The following NEK1 variants were observed in gnomAD, a reference collection of about 807,000 sequenced individuals.
NEK1 encodes NIMA related kinase 1, also known as serine/threonine-protein kinase Nek1.
A neutral mutation model predicts 182.1 loss-of-function variants in NEK1; 137 were observed. That is an observed-to-expected ratio of 0.75 (90% CI 0.65 to 0.87). The LOEUF is 0.87. Among genes scored for constraint, NEK1 ranks in the 40% least tolerant of loss-of-function variants. NEK1 has a pLI of 0.00. For missense variants in NEK1, 1,391 were observed against 1,494.4 expected (o/e 0.93, Z 1.14); for synonymous variants, 513 against 492.2 (o/e 1.04, Z -0.56).
chr4:169,548,766 C>T (rs1760941656), intron 18 of NEK1, among the ~76,000 whole-genome samples: 1 of 152,236 alleles, frequency 6.6e-6, no homozygotes, highest in Non-Finnish European at 1.5e-5. Flanking sequence ...TTGTTTACAC[C>T]ATGAGGGTAA....
intron 26 of NEK1, 21 bp downstream of exon 26, chr4:169,477,103 T>C (rs1230200265): frequency 4.0e-6 from 6 of 1,508,938 alleles, no homozygotes; most frequent in East Asian, 2.4e-5. Flanking sequence ...AAATAGGATA[T>C]TAATATACTA....
chr4:169,532,920 A>G (rs1032204626), intron 19 of NEK1, among the ~76,000 whole-genome samples: 2 of 152,044 alleles, frequency 1.3e-5, no homozygotes, highest in East Asian at 3.8e-4. Context: ...TCCCTGTAGA[A>G]AGAAAGGAAA....
chr4:169,571,605 C>T (rs1217422600), intron 12 of NEK1, among the ~76,000 whole-genome samples: 1 of 152,148 alleles, frequency 6.6e-6, no homozygotes, highest in African/African-American at 2.4e-5. Flanking sequence ...CAGGTAAGTA[C>T]TTGGCATGTT....
chr4:169,416,813 G>C (rs1017198380), intron 31 of NEK1, among the ~76,000 whole-genome samples: 2 of 152,182 alleles, frequency 1.3e-5, no homozygotes, highest in Admixed American at 6.5e-5. Context: ...GCTGAGGCGG[G>C]AAGATTGCTT....
rs1768379923 is a variant in NEK1 at position 169,590,955 on chromosome 4, T to C, written c.313-146A>G. On this transcript the variant is annotated intron_variant, in intron 5 of 35. Transcript: ENST00000507142. ...TTTGTAGGCACTGACATTAAATAGA[T>C]ATTCAAGTCAACACAAGCTCTGCAC... The C allele has an allele frequency of 5.0e-6, 3 of 602,432 alleles. No homozygotes were observed. In the East Asian group the frequency reaches 8.4e-5, roughly 17 times the overall value. The allele number at this position is 602,432 out of a possible 1,614,324, so 37.3% of individuals were successfully genotyped here.
intron 12 of NEK1, among the ~76,000 whole-genome samples, chr4:169,566,821 A>C (rs1763761088): frequency 6.6e-6 from 1 of 152,152 alleles, no homozygotes; most frequent in Admixed American, 6.5e-5. Context: ...ATCAAGGGAA[A>C]GGCCGTGTGT....
At chr4:169,407,949 T>C (rs554395091) in intron 31 of NEK1, among the ~76,000 whole-genome samples, 40 of 152,388 alleles carry the variant, frequency 2.6e-4, no homozygotes, top group African/African-American at 9.4e-4. Context: ...AAAAGTACAC[T>C]GCTTGTTAAA....
chr4:169,525,129 TTTTTA>T (rs1346648525), intron 19 of NEK1, among the ~76,000 whole-genome samples: 6 of 152,104 alleles, frequency 3.9e-5, no homozygotes, highest in Non-Finnish European at 8.8e-5. Context: ...TTTTATTTTA[TTTTTA>T]TTTTATTTTG....
In NEK1 at chr4:169,556,061, G is replaced by T. The variant is rs1461610990; in HGVS notation, c.1301C>A (p.Pro434Gln). 4 of 1,613,254 alleles carry T rather than the reference G, an allele frequency of 2.5e-6. No individual in the cohort carries two copies. Among genetic ancestry groups the T allele is most frequent in the Non-Finnish European group, 3.4e-6 (4 of 1,179,636 alleles). Reference protein sequence around the residue: ...PFLGSGGTIAPSSFSSRGQYE... With the variant: ...PFLGSGGTIAQSSFSSRGQYE... Reference sequence around the variant, plus strand: ...CTGTCCTCGAGAAGAAAAAGATGATGGAGCTATAGTCCCTCCACTGCCCAG... The same window carrying T: ...CTGTCCTCGAGAAGAAAAAGATGATTGAGCTATAGTCCCTCCACTGCCCAG... Residue 434 changes from proline to glutamine, a missense_variant, in exon 17 of 36, where the codon CCA becomes CAA. Pro to Gln is a moderately conservative substitution (Grantham distance 76). This residue lies in a region of NEK1 where 1,216 missense variants were observed against 1,277.6 expected (regional missense o/e 0.95). Coordinates refer to ENST00000507142, the MANE Select transcript of NEK1 (RefSeq NM_001199397.3).
At chr4:169,485,262 TA>T (rs1748832122) in intron 23 of NEK1, among the ~76,000 whole-genome samples, 1 of 152,140 alleles carries the variant, frequency 6.6e-6, no homozygotes. Flanking sequence ...GGAATCTAAA[TA>T]AATGAACAAA....
At chr4:169,488,207 T>C (rs1391882608) in intron 23 of NEK1, among the ~76,000 whole-genome samples, 1 of 152,222 alleles carries the variant, frequency 6.6e-6, no homozygotes, top group African/African-American at 2.4e-5. Context: ...TTTGCTTTTG[T>C]CGCTATTGCT....
chr4:169,432,988 C>G (rs949012415), intron 29 of NEK1, among the ~76,000 whole-genome samples: 2 of 151,904 alleles, frequency 1.3e-5, no homozygotes, highest in African/African-American at 4.8e-5. Context: ...TGGTCTCGAG[C>G]TCCTGTCCTC....
intron 10 of NEK1, among the ~76,000 whole-genome samples, chr4:169,581,531 T>G (rs145209293): frequency 1.2e-3 from 177 of 152,316 alleles, no homozygotes; most frequent in African/African-American, 3.6e-3. Context: ...GTGATTCTCC[T>G]TCCTCAGTGT....
chr4:169,608,140 AAG>A (rs1560801720), intron 2 of NEK1, among the ~76,000 whole-genome samples: 7 of 132,788 alleles, frequency 5.3e-5, no homozygotes, highest in African/African-American at 1.4e-4. Flanking sequence ...CACACACACA[AAG>A]AAGAAGAAGA....
At chr4:169,470,075 T>G (rs534356260) in intron 26 of NEK1, among the ~76,000 whole-genome samples, 11 of 151,940 alleles carry the variant, frequency 7.2e-5, no homozygotes, top group Non-Finnish European at 1.3e-4. Flanking sequence ...TCTTGACTCT[T>G]TATCCAATTT....
At chr4:169,539,398 A>C (rs2149820222) in intron 18 of NEK1, among the ~76,000 whole-genome samples, 1 of 152,232 alleles carries the variant, frequency 6.6e-6, no homozygotes, top group East Asian at 1.9e-4. Flanking sequence ...AGGCAGATAA[A>C]CCTTCAAATG....
chr4:169,537,956 ATTC>A, intron 18 of NEK1, 45 bp from the exon 19 acceptor site: 1 of 1,372,730 alleles, frequency 7.3e-7, no homozygotes, highest in African/African-American at 1.5e-5. Flanking sequence ...AACAGAAAAT[ATTC>A]TAAAAAGTTA....
intron 35 of NEK1, 109 bp downstream of exon 35, chr4:169,400,116 C>T (rs1288170119): frequency 9.5e-7 from 1 of 1,053,776 alleles, no homozygotes; most frequent in Non-Finnish European, 1.4e-6. Flanking sequence ...TATATAGTTC[C>T]CAAGTAGATT....
chr4:169,450,882 AG>A (rs1333984374), intron 27 of NEK1, among the ~76,000 whole-genome samples: 2 of 151,954 alleles, frequency 1.3e-5, no homozygotes, highest in African/African-American at 4.8e-5. Flanking sequence ...TGCTGTATTT[AG>A]GAGACCCATC....
Sources: allele counts gnomAD v4.1 joint callset (sites outside exome capture counted in the v4.1 genomes callset), GRCh38; gene constraint gnomAD v4.1.1; regional missense constraint gnomAD v4.1.1; transcripts MANE v1.5; gene names NCBI Gene and HGNC (gene_info 2026-07-23, HGNC 2026-07-21).